Variants in DNM3 observed in about 807,000 individuals in gnomAD.
DNM3 encodes the protein dynamin-3.
In DNM3, 47 loss-of-function variants were observed where a neutral mutation model predicts 101.6. The ratio of observed to expected loss-of-function variants is 0.46; its 90% CI spans 0.37 to 0.59. The LOEUF is 0.59. Ranked by LOEUF, DNM3 falls within the 20% of genes least tolerant of loss-of-function variation. DNM3 has a pLI of 0.00. For synonymous variants in DNM3, 385 were observed against 387.9 expected (o/e 0.99, Z 0.09); for missense variants, 849 against 1,085.7 (o/e 0.78, Z 3.06).
rs542327753 is a variant in DNM3 at position 172,190,786 on chromosome 1, A to G, written c.1659+59498A>G. Among the ~76,000 whole-genome samples, 32 of 152,166 alleles carry G rather than the reference A, an allele frequency of 2.1e-4. No homozygotes were observed. The South Asian group carries it at 4.8e-3, about 23-fold the overall frequency. On this transcript the variant is annotated intron_variant, in intron 14 of 20. Transcript: ENST00000627582. ...GGCCAGTGATGATGAGCATTTTTTC[A>G]TGTGTCTGTTGGTGGCACAAATGTC... is the stretch of plus-strand genomic sequence containing the variant.
chr1:172,322,420 A>G (rs901872742), intron 16 of DNM3, among the ~76,000 whole-genome samples: 1 of 152,176 alleles, frequency 6.6e-6, no homozygotes, highest in East Asian at 1.9e-4. Context: ...TGACCTTGTG[A>G]GGACTTGGGC....
rs530521286 is a variant in DNM3 at position 172,124,719 on chromosome 1, A to C, written c.1546-6456A>C. Among the ~76,000 whole-genome samples the C allele has an allele frequency of 2.2e-3, 328 of 152,270 alleles. 2 individuals carry two copies. The highest frequency in any genetic ancestry group is 3.9e-3 in the South Asian group (19 of 4,822). On this transcript the variant is annotated intron_variant, in intron 13 of 20. Transcript: ENST00000627582. ...GCCCTGGCCCAGAGCACGGAATGGC[A>C]CTGATGGCAGCTGATCTAACCCTTC...
chr1:172,102,729 C>T (rs535025651), intron 13 of DNM3, among the ~76,000 whole-genome samples: 26 of 152,186 alleles, frequency 1.7e-4, no homozygotes, highest in African/African-American at 5.3e-4. Context: ...TGCCTCCCTC[C>T]GGCTGCCCCA....
chr1:172,376,838 T>A (rs1023194202), intron 17 of DNM3, among the ~76,000 whole-genome samples: 7 of 152,044 alleles, frequency 4.6e-5, no homozygotes, highest in Non-Finnish European at 8.8e-5. Context: ...TAAACCAGAG[T>A]TCTCTATTCA....
chr1:172,227,955 T>C (rs1573027948), intron 14 of DNM3, among the ~76,000 whole-genome samples: 2 of 152,166 alleles, frequency 1.3e-5, no homozygotes, highest in East Asian at 3.8e-4. Flanking sequence ...ATGTTTTATT[T>C]AGCATTTGTC....
In DNM3 at chr1:171,903,331, TTATCA is replaced by T. The variant is rs148510457; in HGVS notation, c.162-18414_162-18410del. ...CTAGACAGTGGCAAATACTGTAACTTTATCATAGATCTTTCCTTTGTACTTGGATA... is the reference window on the plus strand; with the variant it reads ...CTAGACAGTGGCAAATACTGTAACTTTAGATCTTTCCTTTGTACTTGGATA... On this transcript the variant is annotated intron_variant, in intron 1 of 20. Transcript: ENST00000627582. Among the ~76,000 whole-genome samples, 514 of 152,304 alleles carry T rather than the reference TTATCA, an allele frequency of 3.4e-3. 6 individuals carry two copies. The highest frequency in any genetic ancestry group is 0.012 in the African/African-American group (487 of 41,556).
chr1:172,396,411 G>A (rs2070004086), intron 20 of DNM3, among the ~76,000 whole-genome samples: 1 of 152,138 alleles, frequency 6.6e-6, no homozygotes, highest in Non-Finnish European at 1.5e-5. Context: ...TAGAAAACAG[G>A]AAAAGGTATA....
chr1:171,967,963 G>A (rs966666071), intron 2 of DNM3, among the ~76,000 whole-genome samples: 5 of 152,018 alleles, frequency 3.3e-5, no homozygotes, highest in African/African-American at 1.2e-4. Flanking sequence ...ATTAAATTTT[G>A]TATGCCTTTT....
chr1:172,275,431 T>A (rs896224675), intron 15 of DNM3, among the ~76,000 whole-genome samples: 1 of 152,174 alleles, frequency 6.6e-6, no homozygotes, highest in Middle Eastern at 3.4e-3. Context: ...GCATGCTGCA[T>A]GTCTGCTTCT....
chr1:171,910,653 T>A (rs2039217799), intron 1 of DNM3, among the ~76,000 whole-genome samples: 1 of 152,164 alleles, frequency 6.6e-6, no homozygotes, highest in Non-Finnish European at 1.5e-5. Flanking sequence ...AGGTAAATAA[T>A]GAATGAATTC....
chr1:172,308,783 G>A lies in DNM3; in HGVS notation c.1825G>A (p.Val609Ile). 11 of 1,610,526 alleles carry A rather than the reference G, an allele frequency of 6.8e-6. No individual in the cohort carries two copies. The highest frequency in any genetic ancestry group is 9.3e-6 in the Non-Finnish European group (11 of 1,178,508). ...LELACDSQED[V>I]DSWKASLLRA... ...GCTGGCATGTGATTCCCAGGAGGAT[G>A]TCGACAGCTGGAAGGCATCTCTACT... Residue 609 changes from valine to isoleucine, a missense_variant, in exon 16 of 21, where the codon GTC (valine) becomes ATC (isoleucine). Around this residue, in one of 5 missense-constraint regions of DNM3, gnomAD observed 5 missense variants for 23.4 expected, o/e 0.21. Coordinates refer to ENST00000627582, the MANE Select transcript of DNM3 (RefSeq NM_015569.5).
chr1:171,900,680 G>A lies in DNM3; in HGVS notation c.162-21068G>A, dbSNP rs192027769. Among the ~76,000 whole-genome samples the A allele has an allele frequency of 6.6e-4, 101 of 152,252 alleles. No homozygotes were observed. In the Middle Eastern group the frequency reaches 0.017, roughly 26 times the overall value. On this transcript the variant is annotated intron_variant, in intron 1 of 20. Transcript: ENST00000627582. ...GAAGCTTGTCTGTGGAGGAAGGAGTGAGGAATGATAGCAGATCTAGGACTG... is the reference window on the plus strand; with the variant it reads ...GAAGCTTGTCTGTGGAGGAAGGAGTAAGGAATGATAGCAGATCTAGGACTG...
intron 2 of DNM3, among the ~76,000 whole-genome samples, chr1:171,950,880 C>A (rs2042477026): frequency 6.6e-6 from 1 of 152,024 alleles, no homozygotes; most frequent in Admixed American, 6.6e-5. Context: ...TGTCCATATG[C>A]CATATCGCTC....
chr1:172,058,859 A>G (rs1208921071), intron 10 of DNM3, among the ~76,000 whole-genome samples: 1 of 141,492 alleles, frequency 7.1e-6, no homozygotes, highest in Non-Finnish European at 1.5e-5. Flanking sequence ...GCAGAACTGA[A>G]GGAAATAGAG....
At chr1:172,345,484 T>C (rs565219198) in intron 17 of DNM3, among the ~76,000 whole-genome samples, 1 of 152,316 alleles carries the variant, frequency 6.6e-6, no homozygotes, top group East Asian at 1.9e-4. Flanking sequence ...TGGAAAGTAG[T>C]TCTCATTCTT....
intron 15 of DNM3, among the ~76,000 whole-genome samples, chr1:172,294,555 A>G (rs929484232): frequency 6.6e-6 from 1 of 152,182 alleles, no homozygotes; most frequent in Non-Finnish European, 1.5e-5. Flanking sequence ...TCTGTGAAAC[A>G]GCTTTACTAC....
chr1:172,038,303 A>G lies in DNM3; in HGVS notation c.850-16A>G, dbSNP rs1264511348. The stretch of plus-strand genomic sequence containing the variant: ...ATTCAATCTTCAATCTGTGTGTATC[A>G]TTTTGTTTTGTTTAGCAACTTACCA... On this transcript the variant is annotated splice_polypyrimidine_tract_variant and intron_variant, in intron 6 of 20. Transcript: ENST00000627582. 1.2e-6 allele frequency: 2 copies of G among 1,612,962 alleles called. No homozygotes were observed.
chr1:172,317,668 A>C (rs1021374138), intron 16 of DNM3, among the ~76,000 whole-genome samples: 2 of 152,116 alleles, frequency 1.3e-5, no homozygotes, highest in African/African-American at 4.8e-5. Context: ...CGACACATAC[A>C]CTCTCCCAAG....
At position 172,020,811 on chromosome 1, in the gene DNM3, G is replaced by T. The variant is rs369178908; in HGVS notation, c.590-11591G>T. 3.4e-4 allele frequency among the ~76,000 whole-genome samples: 52 copies of T among 151,744 alleles called. 1 individual carries two copies. The South Asian group carries it at 0.01, about 30-fold the overall frequency. ...CCTTTCCCTACCAGAAGCATAAGGG[G>T]ATTTTTCTCTTTAATTTACTGCGAG... On this transcript the variant is annotated intron_variant, in intron 4 of 20. Coordinates refer to ENST00000627582, the MANE Select transcript of DNM3 (RefSeq NM_015569.5).
Sources: gnomAD v4.1 joint callset for allele counts (sites outside exome capture counted in the v4.1 genomes callset) on GRCh38, gnomAD v4.1.1 for gene constraint, gnomAD v4.1.1 regional missense constraint, MANE v1.5 for transcripts, NCBI Gene and HGNC (gene_info 2026-07-23, HGNC 2026-07-21) for gene names.